Variants in SGCE observed in about 807,000 individuals in gnomAD.
The protein encoded by SGCE is epsilon-sarcoglycan.
In SGCE, 26 loss-of-function variants were observed where a neutral mutation model predicts 57.8. The ratio of observed to expected loss-of-function variants is 0.45; its 90% confidence interval spans 0.33 to 0.62. SGCE has a LOEUF of 0.62. Among genes scored for constraint, SGCE ranks in the 20% least tolerant of loss-of-function variants. SGCE has a pLI of 0.02. For synonymous variants in SGCE, 183 were observed against 189.5 expected, an observed-to-expected ratio of 0.97 and a Z score of 0.28; for missense variants, 468 against 548.6, an observed-to-expected ratio of 0.85 and a Z score of 1.47.
intron 1 of SGCE, among the ~76,000 whole-genome samples, chr7:94,655,694 G>T (rs1489768530): frequency 7.9e-5 from 12 of 152,116 alleles, no homozygotes; most frequent in Admixed American, 6.5e-4. Flanking sequence ...GGGCTGGGCG[G>T]GGAGGGGGAT....
At chr7:94,654,951 A>G (rs1190062503) in intron 1 of SGCE, among the ~76,000 whole-genome samples, 1 of 152,254 alleles carries the variant, frequency 6.6e-6, no homozygotes, top group Non-Finnish European at 1.5e-5. Flanking sequence ...TGAGGCGCTT[A>G]GATGGGAATC....
At chr7:94,593,064 A>G (rs1419856114) in intron 9 of SGCE, among the ~76,000 whole-genome samples, 1 of 152,116 alleles carries the variant, frequency 6.6e-6, no homozygotes, top group Non-Finnish European at 1.5e-5. Context: ...ATTAAAACTT[A>G]ATTTTTATTT....
chr7:94,624,076 G>C, intron 3 of SGCE: 1 of 393,588 alleles, frequency 2.5e-6, no homozygotes, highest in East Asian at 3.6e-5. Flanking sequence ...CAAAGCAAAG[G>C]CCAACAACAG....
intron 1 of SGCE, among the ~76,000 whole-genome samples, chr7:94,650,361 C>T (rs987199950): frequency 6.6e-6 from 1 of 152,102 alleles, no homozygotes; most frequent in Non-Finnish European, 1.5e-5. Context: ...CCACTCAGCC[C>T]CAGTAGCCTG....
intron 6 of SGCE, among the ~76,000 whole-genome samples, chr7:94,601,116 T>C (rs769547224): frequency 2.3e-4 from 35 of 152,110 alleles, no homozygotes; most frequent in Non-Finnish European, 3.8e-4. Flanking sequence ...TGTGTACATA[T>C]TTAACGTGTG....
intron 9 of SGCE, among the ~76,000 whole-genome samples, chr7:94,591,386 G>A (rs192887810): frequency 2.6e-5 from 4 of 152,204 alleles, no homozygotes; most frequent in Admixed American, 2.0e-4. Context: ...ACACATAGGC[G>A]CACACCACAC....
chr7:94,619,238 G>T, intron 4 of SGCE: 1 of 283,924 alleles, frequency 3.5e-6, no homozygotes, highest in Non-Finnish European at 6.6e-6. Context: ...ACTAAGAAAA[G>T]CTAAATCTAC....
At chr7:94,641,469 T>A (rs188897687) in intron 1 of SGCE, among the ~76,000 whole-genome samples, 78 of 152,116 alleles carry the variant, frequency 5.1e-4, no homozygotes, top group African/African-American at 1.9e-3. Flanking sequence ...GGAAAAGATG[T>A]AAGGGGGGAA....
At chr7:94,632,859 A>G (rs1010576077) in intron 1 of SGCE, among the ~76,000 whole-genome samples, 4 of 152,054 alleles carry the variant, frequency 2.6e-5, no homozygotes, top group Non-Finnish European at 5.9e-5. Context: ...AACGTGAGCT[A>G]TATAAATAAA....
intron 5 of SGCE, among the ~76,000 whole-genome samples, chr7:94,616,199 C>T (rs1458396445): frequency 2.6e-5 from 4 of 152,090 alleles, no homozygotes; most frequent in Non-Finnish European, 4.4e-5. Flanking sequence ...GGCAGTAGAA[C>T]GGTAGTAGAT....
At chr7:94,625,127 C>G (rs1158106789) in intron 3 of SGCE, 1 of 151,844 alleles carries the variant, frequency 6.6e-6, no homozygotes, top group Non-Finnish European at 1.5e-5. Flanking sequence ...TTTGATTCCC[C>G]AATTTCTAAA....
chr7:94,649,407 T>C (rs1173742251), intron 1 of SGCE, among the ~76,000 whole-genome samples: 2 of 152,184 alleles, frequency 1.3e-5, no homozygotes, highest in Non-Finnish European at 2.9e-5. Context: ...ATCTTTAAGT[T>C]TTAAAATGTA....
At chr7:94,648,476 T>C (rs1210552656) in intron 1 of SGCE, among the ~76,000 whole-genome samples, 1 of 152,090 alleles carries the variant, frequency 6.6e-6, no homozygotes, top group African/African-American at 2.4e-5. Flanking sequence ...ATAAAAATCC[T>C]TATCTGTATC....
intron 5 of SGCE, 42 bp downstream of exon 5, chr7:94,618,716 T>A (rs1562842831): frequency 1.3e-6 from 2 of 1,534,716 alleles, no homozygotes; most frequent in Admixed American, 3.4e-5. Flanking sequence ...TCACCGTATT[T>A]AAAAATCTAT....
intron 1 of SGCE, among the ~76,000 whole-genome samples, chr7:94,635,925 A>G (rs1329412940): frequency 6.6e-6 from 1 of 151,912 alleles, no homozygotes; most frequent in Non-Finnish European, 1.5e-5. Flanking sequence ...TTGGCCAGCT[A>G]TTGTTTTTTT....
intron 5 of SGCE, 147 bp downstream of exon 5, chr7:94,618,593 CATCTTTGCCAATATAGAA>C: frequency 1.6e-6 from 1 of 611,732 alleles, no homozygotes; most frequent in Non-Finnish European, 2.8e-6. Context: ...ACTAACACAA[CATCTTTGCCAATATAGAA>C]AATTACTAGT....
At chr7:94,594,510 A>G (rs1025000807) in intron 9 of SGCE, 1 of 152,088 alleles carries the variant, frequency 6.6e-6, no homozygotes, top group African/African-American at 2.4e-5. Context: ...TGAGGAGACT[A>G]AGGAGACATA....
rs201081438 is a variant in SGCE, at chr7:94,588,747, C to G, written c.1254-15G>C. The G allele has an allele frequency of 6.2e-7, 1 of 1,613,304 alleles. No individual in the cohort carries two copies. Among genetic ancestry groups the G allele is most frequent in the African/African-American group, 1.3e-5 (1 of 74,872 alleles). On this transcript the variant is annotated splice_polypyrimidine_tract_variant and intron_variant, in intron 9 of 10. Transcript: ENST00000648936. ...GTGGCAAGTTCCTAGAAATGATGAA[C>G]ATTTTTGAGTAAAACTGTTTGTTTA...
At chr7:94,640,985 A>C (rs1219246809) in intron 1 of SGCE, 1 of 152,280 alleles carries the variant, frequency 6.6e-6, no homozygotes, top group Non-Finnish European at 1.5e-5. Context: ...GTAAGAAAGA[A>C]TGCTCAAAAG....
Sources: allele counts gnomAD v4.1 joint callset (sites outside exome capture counted in the v4.1 genomes callset), GRCh38; gene constraint gnomAD v4.1.1; transcripts MANE v1.5; gene names NCBI Gene and HGNC (gene_info 2026-07-23, HGNC 2026-07-21).